Variants in LRRTM4 observed in about 807,000 individuals in gnomAD.
The protein encoded by LRRTM4 is leucine-rich repeat transmembrane neuronal protein 4.
Under a neutral mutation model 47.6 loss-of-function variants are expected in LRRTM4, and 25 were observed. The ratio of observed to expected loss-of-function variants is 0.53; its 90% CI spans 0.38 to 0.73. LRRTM4 has a LOEUF of 0.73. Ranked by LOEUF, LRRTM4 falls within the 30% of genes least tolerant of loss-of-function variation. LRRTM4 has a pLI of 0.00. For synonymous variants in LRRTM4, 311 were observed against 269.5 expected (o/e 1.15, Z -1.51); for missense variants, 638 against 713.4 (o/e 0.89, Z 1.20).
At chr2:76,883,628 C>A (rs1672991507) in intron 3 of LRRTM4, among the ~76,000 whole-genome samples, 1 of 152,110 alleles carries the variant, frequency 6.6e-6, no homozygotes, top group African/African-American at 2.4e-5. Context: ...AGCTTCTCAC[C>A]ATATGCCACT....
chr2:77,286,416 T>C (rs769058624), intron 3 of LRRTM4, among the ~76,000 whole-genome samples: 5 of 151,948 alleles, frequency 3.3e-5, no homozygotes, highest in Non-Finnish European at 7.4e-5. Flanking sequence ...AATCATACTC[T>C]TTAATTAAAA....
At chr2:77,052,407 G>T (rs1245763064) in intron 3 of LRRTM4, among the ~76,000 whole-genome samples, 1 of 151,806 alleles carries the variant, frequency 6.6e-6, no homozygotes, top group East Asian at 1.9e-4. Context: ...GACCTCAGGA[G>T]ATCCACCCGC....
intron 3 of LRRTM4, among the ~76,000 whole-genome samples, chr2:77,217,294 G>C (rs13382529): frequency 1.4e-5 from 2 of 148,138 alleles, no homozygotes; most frequent in Non-Finnish European, 3.0e-5. Context: ...ACCTACTAGA[G>C]ATATTAACAT....
chr2:76,877,786 G>A (rs1055504044), intron 3 of LRRTM4, among the ~76,000 whole-genome samples: 23 of 152,048 alleles, frequency 1.5e-4, no homozygotes, highest in Admixed American at 2.6e-4. Flanking sequence ...AGAATATGGA[G>A]TAAAAAGCTA....
At chr2:77,287,886 G>A (rs2104118083) in intron 3 of LRRTM4, among the ~76,000 whole-genome samples, 1 of 152,216 alleles carries the variant, frequency 6.6e-6, no homozygotes, top group Admixed American at 6.6e-5. Flanking sequence ...CCGTGCCTTG[G>A]GCACCCACTG....
rs77326604 is a variant in LRRTM4, at chr2:76,812,042, G to A, written c.1552-63126C>T. Among the ~76,000 whole-genome samples, 623 of 151,978 alleles carry A rather than the reference G, an allele frequency of 4.1e-3. 4 individuals are homozygous for A. Among genetic ancestry groups the A allele is most frequent in the African/African-American group, 0.014 (599 of 41,466 alleles). The stretch of plus-strand genomic sequence containing the variant: ...CAAACACTGAGTTTATTTTTTTCCT[G>A]GAGCAATAAAACATTAAAATAACTT... On this transcript the variant is annotated intron_variant, in intron 3 of 3. Coordinates refer to ENST00000409884, the MANE Select transcript of LRRTM4 (RefSeq NM_001134745.3).
rs181207190 is a variant in LRRTM4, at chr2:76,979,584, G to A, written c.1552-230668C>T. Among the ~76,000 whole-genome samples, 77 of 111,922 alleles carry A rather than the reference G, an allele frequency of 6.9e-4. 2 individuals are homozygous for A. The highest frequency in any genetic ancestry group is 1.0e-3 in the Non-Finnish European group (56 of 55,822). 73.4% of individuals were successfully genotyped at this position (111,922 alleles called of 152,430 possible). ...CCTCTATATATATATATAGAGAGAG[G>A]AAGCATAAAAAGGCACAACAACAAG... On this transcript the variant is annotated intron_variant, in intron 3 of 3. Coordinates refer to ENST00000409884, the MANE Select transcript of LRRTM4 (RefSeq NM_001134745.3).
intron 3 of LRRTM4, among the ~76,000 whole-genome samples, chr2:77,444,878 T>C (rs987465366): frequency 6.6e-6 from 1 of 151,052 alleles, no homozygotes; most frequent in East Asian, 1.9e-4. Context: ...GCTTTAGGTA[T>C]ATTAAAATGC....
At chr2:77,480,691 AAT>A (rs2104015655) in intron 3 of LRRTM4, among the ~76,000 whole-genome samples, 1 of 152,208 alleles carries the variant, frequency 6.6e-6, no homozygotes, top group South Asian at 2.1e-4. Context: ...AAAATCTCAC[AAT>A]TTACAAAAAG....
At chr2:77,341,557 C>A (rs1181928296) in intron 3 of LRRTM4, among the ~76,000 whole-genome samples, 2 of 152,064 alleles carry the variant, frequency 1.3e-5, no homozygotes, top group Non-Finnish European at 2.9e-5. Flanking sequence ...TTTTCCCTTG[C>A]TGCTGGCTAT....
At chr2:76,936,598 AAAAG>A (rs1259190548) in intron 3 of LRRTM4, among the ~76,000 whole-genome samples, 3 of 151,020 alleles carry the variant, frequency 2.0e-5, no homozygotes, top group Non-Finnish European at 3.0e-5. Context: ...AAAAAAAAAA[AAAAG>A]AAAGAAAAAG....
At chr2:77,075,449 T>C (rs1020165662) in intron 3 of LRRTM4, among the ~76,000 whole-genome samples, 1 of 152,156 alleles carries the variant, frequency 6.6e-6, no homozygotes, top group Non-Finnish European at 1.5e-5. Flanking sequence ...TTGTGTCTTG[T>C]TTCACAGTAA....
chr2:77,320,864 C>T (rs910395555), intron 3 of LRRTM4, among the ~76,000 whole-genome samples: 1 of 151,740 alleles, frequency 6.6e-6, no homozygotes, highest in Non-Finnish European at 1.5e-5. Context: ...AAACATAGAA[C>T]ATTTAAATAA....
intron 3 of LRRTM4, among the ~76,000 whole-genome samples, chr2:77,325,495 A>G (rs1190485558): frequency 6.6e-6 from 1 of 152,168 alleles, no homozygotes; most frequent in East Asian, 1.9e-4. Flanking sequence ...GTGTATTGAT[A>G]TCATAAAAAG....
intron 3 of LRRTM4, among the ~76,000 whole-genome samples, chr2:76,988,855 T>C (rs1178220626): frequency 6.6e-6 from 1 of 151,512 alleles, no homozygotes; most frequent in African/African-American, 2.4e-5. Context: ...AATTCTTTTC[T>C]GGGAGGCAGT....
intron 3 of LRRTM4, among the ~76,000 whole-genome samples, chr2:77,384,220 A>G (rs1419485744): frequency 1.3e-5 from 2 of 151,270 alleles, no homozygotes; most frequent in Admixed American, 1.3e-4. Context: ...TTAGGTAGAT[A>G]AAGTTTTTTT....
At chr2:76,869,199 C>T (rs1265879499) in intron 3 of LRRTM4, among the ~76,000 whole-genome samples, 1 of 151,876 alleles carries the variant, frequency 6.6e-6, no homozygotes, top group Non-Finnish European at 1.5e-5. Context: ...GTCCCAGCTA[C>T]TTGGGAGGCT....
At chr2:77,065,995 G>T (rs1679937775) in intron 3 of LRRTM4, among the ~76,000 whole-genome samples, 1 of 152,136 alleles carries the variant, frequency 6.6e-6, no homozygotes, top group Admixed American at 6.6e-5. Flanking sequence ...GATCTATACA[G>T]TATGGAATCT....
intron 3 of LRRTM4, among the ~76,000 whole-genome samples, chr2:77,400,212 T>TC (rs1491207614): frequency 6.6e-6 from 1 of 151,304 alleles, no homozygotes; most frequent in Non-Finnish European, 1.5e-5. Context: ...GATACCGTAT[T>TC]CTTTTTTTTC....
Sources: allele counts gnomAD v4.1 joint callset (sites outside exome capture counted in the v4.1 genomes callset), GRCh38; gene constraint gnomAD v4.1.1; transcripts MANE v1.5; gene names NCBI Gene and HGNC (gene_info 2026-07-23, HGNC 2026-07-21).